Variants in NOL6 observed in about 807,000 individuals in gnomAD.
NOL6 encodes nucleolar protein 6.
Under a neutral mutation model 131.7 loss-of-function variants are expected in NOL6, and 33 were observed. The observed-to-expected ratio is 0.25, with a 90% CI of 0.19 to 0.33. NOL6 has a LOEUF of 0.33. Among genes scored for constraint, NOL6 ranks in the 10% least tolerant of loss-of-function variants. The pLI, the probability that NOL6 is intolerant of heterozygous loss-of-function variation, is 1.00. For synonymous variants in NOL6, 580 were observed against 605.7 expected, an observed-to-expected ratio of 0.96 and a Z score of 0.62; for missense variants, 1,297 against 1,494.5, an observed-to-expected ratio of 0.87 and a Z score of 2.18.
chr9:33,467,057 C>T lies in NOL6; in HGVS notation c.1874+57G>A. The T allele has an allele frequency of 2.5e-6, 4 of 1,613,134 alleles. No homozygotes were observed. Among genetic ancestry groups the T allele is most frequent in the Non-Finnish European group, 3.4e-6 (4 of 1,179,238 alleles). ...TCTCGCTCAACTGCCTGGGCCAGAC[C>T]CCTGAAAAGGCTCCCCAGCCCACAC... is the stretch of plus-strand genomic sequence containing the variant. On this transcript the variant is annotated intron_variant, in intron 14 of 25. Transcript: ENST00000297990. The surrounding 1 kb of genome is among the most constrained non-coding windows in gnomAD (Gnocchi z 4.4).
chr9:33,472,075 CCTT>C lies in NOL6; in HGVS notation c.304_306del (p.Lys102del), dbSNP rs779660748. The C allele has an allele frequency of 2.2e-4, 352 of 1,613,938 alleles. 1 individual carries two copies. The highest frequency in any genetic ancestry group is 1.7e-4 in the Middle Eastern group (1 of 5,956). Reference sequence around the variant, plus strand: ...TCCCGTAGGAAGGCATCAATCCGATCCTTCTTCTTCTCTGACAGCCTTACTTCC... The same window carrying C: ...TCCCGTAGGAAGGCATCAATCCGATCCTTCTTCTCTGACAGCCTTACTTCC... On this transcript the variant is annotated inframe_deletion, in exon 3 of 26. Transcript: ENST00000297990.
At position 33,469,003 on chromosome 9, in the gene NOL6, G is replaced by A. The variant is rs1260215567; in HGVS notation, c.981C>T (p.Gly327=). 9 of 1,614,154 alleles carry A rather than the reference G, an allele frequency of 5.6e-6. No individual in the cohort carries two copies. The highest frequency in any genetic ancestry group is 2.2e-5 in the East Asian group (1 of 44,876). ...GCAGCCAGACCTTCAGAAGTGCCACGCCATCCTTCAGGCCCTGGGCTGAAC... is the reference window on the plus strand; with the variant it reads ...GCAGCCAGACCTTCAGAAGTGCCACACCATCCTTCAGGCCCTGGGCTGAAC... The part of the protein sequence containing the change: ...ILSSAQGLKD[G]VALLKVWLRQ... The change falls in exon 7 of 26, where the codon GGC becomes GGT. Residue 327 remains glycine (G), a synonymous_variant. Transcript: ENST00000297990.
At chr9:33,471,126 A>G (rs931113709) in intron 3 of NOL6, among the ~76,000 whole-genome samples, 4 of 152,144 alleles carry the variant, frequency 2.6e-5, no homozygotes, top group African/African-American at 7.2e-5. Context: ...TACCAAAAAA[A>G]TTAGCCGGGT....
At chr9:33,466,547 C>A in intron 16 of NOL6, 22 bp downstream of exon 16, 1 of 1,613,676 alleles carries the variant, frequency 6.2e-7, no homozygotes, top group Non-Finnish European at 8.5e-7. Context: ...GCAGAAAGGT[C>A]ACCTGCACCG....
intron 15 of NOL6, 79 bp from the exon 16 acceptor site, chr9:33,466,788 C>T (rs1563878069): frequency 1.9e-6 from 3 of 1,582,190 alleles, no homozygotes; most frequent in South Asian, 1.1e-5. Flanking sequence ...GCTCAGGCTG[C>T]AGCAGAGCCA....
intron 1 of NOL6, 84 bp from the exon 2 acceptor site, chr9:33,472,496 G>T: frequency 9.1e-7 from 1 of 1,102,568 alleles, no homozygotes; most frequent in Non-Finnish European, 1.3e-6. Flanking sequence ...TAGGTTGTGG[G>T]TAAAAGCTTC....
In NOL6 at chr9:33,473,849, G is replaced by A; in HGVS notation, c.-7C>T. ...CAGCTGGCGCCGGCCCCATCACTCAGGGTCCAGCACTCTCCCGCACTTCAG... is the reference window on the plus strand; with the variant it reads ...CAGCTGGCGCCGGCCCCATCACTCAAGGTCCAGCACTCTCCCGCACTTCAG... On this transcript the variant is annotated 5_prime_UTR_variant, in exon 1 of 26. Transcript: ENST00000297990. 6.2e-7 allele frequency: 1 copy of A among 1,610,272 alleles called. No homozygotes were observed. The highest frequency in any genetic ancestry group is 8.5e-7 in the Non-Finnish European group (1 of 1,180,028).
intron 21 of NOL6, 122 bp from the exon 22 acceptor site, chr9:33,464,283 C>G: frequency 4.2e-6 from 5 of 1,182,814 alleles, no homozygotes; most frequent in Admixed American, 2.8e-5. Context: ...AACACTCCCC[C>G]CCACCAAGTG....
At position 33,462,622 on chromosome 9, in the gene NOL6, C is replaced by T. The variant is rs1827127806; in HGVS notation, c.*42G>A. ...CTACTGACATCTTGCTCTAGAGGTC[C>T]AATGTCCTGCTGTCCGTCTACAGCT... On this transcript the variant is annotated 3_prime_UTR_variant, in exon 26 of 26. Transcript: ENST00000297990. 6.2e-7 allele frequency: 1 copy of T among 1,608,222 alleles called. No homozygotes were observed. The highest frequency in any genetic ancestry group is 1.7e-4 in the Middle Eastern group (1 of 6,038).
At chr9:33,469,698 G>A in intron 4 of NOL6, 31 bp from the exon 5 acceptor site, 1 of 1,593,840 alleles carries the variant, frequency 6.3e-7, no homozygotes, top group Non-Finnish European at 8.5e-7. Context: ...GAGAAGGCCA[G>A]GCACATAAGT....
Position 33,473,890 on chromosome 9 carries a change from A to G in NOL6, c.-48T>C, listed in dbSNP as rs374600287. 1.9e-6 allele frequency: 3 copies of G among 1,603,928 alleles called. No individual in the cohort carries two copies. Among genetic ancestry groups the G allele is most frequent in the Non-Finnish European group, 2.5e-6 (3 of 1,177,334 alleles). ...CGCACTTCAGATTCTAGCCGGGTCT[A>G]TACCTCATAGCTTCCCACGTGGGCG... On this transcript the variant is annotated 5_prime_UTR_variant, in exon 1 of 26. Transcript: ENST00000297990.
chr9:33,472,511 GCT>G (rs1173571304), intron 1 of NOL6, 99 bp from the exon 2 acceptor site: 2 of 892,988 alleles, frequency 2.2e-6, no homozygotes, highest in East Asian at 5.3e-5. Flanking sequence ...AGCTTCACCT[GCT>G]CTGTCCCTCT....
rs377326096 is a variant in NOL6 at position 33,466,331 on chromosome 9, G to A, written c.2186C>T (p.Pro729Leu). The A allele has an allele frequency of 5.0e-6, 8 of 1,614,066 alleles. No individual in the cohort carries two copies. The highest frequency in any genetic ancestry group is 2.7e-5 in the African/African-American group (2 of 74,942). The stretch of plus-strand genomic sequence containing the variant: ...ACCGGTCATGGGCTCCACGTAGGCC[G>A]GACAGGGCTTATCGAGCCGGGGCAG... ...SLLPRLDKPC[P>L]AYVEPMTVVC... The change falls in exon 17 of 26, where the codon CCG (proline) becomes CTG (leucine). Residue 729 changes from proline to leucine, a missense_variant. Physicochemically the swap from Pro to Leu is moderately conservative, Grantham distance 98. Transcript: ENST00000297990.
chr9:33,466,793 G>A, intron 15 of NOL6, 84 bp from the exon 16 acceptor site: 4 of 1,584,452 alleles, frequency 2.5e-6, no homozygotes, highest in South Asian at 1.1e-5. Flanking sequence ...GGCTGCAGCA[G>A]AGCCAGCACC....
chr9:33,465,715 G>C lies in NOL6; in HGVS notation c.2528+19C>G. On this transcript the variant is annotated intron_variant, in intron 19 of 25. Transcript: ENST00000297990. The stretch of plus-strand genomic sequence containing the variant: ...GGAGGGGGCCTACAGACAGGAAGAA[G>C]CTGTGTCAGTGGCCTTACCCGTGCA... 1 of 1,606,190 alleles carries C rather than the reference G, an allele frequency of 6.2e-7. No homozygotes were observed. The highest frequency in any genetic ancestry group is 8.5e-7 in the Non-Finnish European group (1 of 1,175,218).
intron 19 of NOL6, 101 bp from the exon 20 acceptor site, chr9:33,465,460 G>T: frequency 7.6e-7 from 1 of 1,315,440 alleles, no homozygotes; most frequent in Non-Finnish European, 1.0e-6. Context: ...GGTTACATAT[G>T]TAATCTCATA....
chr9:33,469,451 A>G (rs1431624468), intron 5 of NOL6, 48 bp downstream of exon 5: 1 of 1,592,898 alleles, frequency 6.3e-7, no homozygotes, highest in Non-Finnish European at 8.6e-7. Flanking sequence ...CTTCTCCTCC[A>G]GATTTACCAT....
At chr9:33,469,894 C>T (rs1376870311) in intron 4 of NOL6, 118 bp downstream of exon 4, 6 of 1,169,726 alleles carry the variant, frequency 5.1e-6, no homozygotes, top group African/African-American at 4.7e-5. Flanking sequence ...CAATGGTCTG[C>T]TCTTCTGATT....
At chr9:33,463,195 C>T in intron 24 of NOL6, 52 bp downstream of exon 24, 1 of 1,610,580 alleles carries the variant, frequency 6.2e-7, no homozygotes, top group South Asian at 1.1e-5. Context: ...TCCACAGCCT[C>T]AGCTTCACCT....
Sources: gnomAD v4.1 joint callset for allele counts (sites outside exome capture counted in the v4.1 genomes callset) on GRCh38, gnomAD v4.1.1 for gene constraint, Gnocchi (gnomAD v3.1) non-coding constraint, MANE v1.5 for transcripts, NCBI Gene and HGNC (gene_info 2026-07-23, HGNC 2026-07-21) for gene names.